NLRC4: variants seen among roughly 807,000 people sequenced by gnomAD.
The protein encoded by NLRC4 is NLR family CARD domain-containing protein 4.
Under a neutral mutation model 79.9 loss-of-function variants are expected in NLRC4, and 63 were observed. The observed-to-expected ratio is 0.79, with a 90% confidence interval of 0.64 to 0.97. NLRC4 has a LOEUF of 0.97. NLRC4 is among the 50% of genes least tolerant of loss of function. The pLI is 0.00. For synonymous variants in NLRC4, 461 were observed against 456.5 expected, an observed-to-expected ratio of 1.01 and a Z score of -0.12; for missense variants, 1,074 against 1,215.2, an observed-to-expected ratio of 0.88 and a Z score of 1.73.
rs773042822 is a variant in NLRC4 at position 32,251,585 on chromosome 2, T to C, written c.279A>G (p.Thr93=). 5.0e-6 allele frequency: 8 copies of C among 1,597,490 alleles called. No individual in the cohort carries two copies. In the South Asian group the frequency reaches 9.0e-5, roughly 18 times the overall value. Residue 93 remains threonine (T), a synonymous_variant, in exon 4 of 9, where the codon ACA becomes ACG. Transcript: ENST00000402280. The part of the protein sequence containing the change: ...DLNGQSLFHQ[T]SEGDLDDLAQ... ...CCAAATCGTCCAAGTCTCCTTCTGA[T>C]GTCTGATGAAAAAGACCTATTAGAG...
At chr2:32,246,174 A>G (rs1400876242) in intron 4 of NLRC4, among the ~76,000 whole-genome samples, 1 of 152,130 alleles carries the variant, frequency 6.6e-6, no homozygotes, top group Non-Finnish European at 1.5e-5. Context: ...ACAGAGTGAG[A>G]CCCTGTCTCA....
intron 4 of NLRC4, among the ~76,000 whole-genome samples, chr2:32,246,091 G>A (rs537055241): frequency 2.4e-4 from 36 of 152,284 alleles, no homozygotes; most frequent in Admixed American, 1.3e-4. Context: ...TTCTGAGGCC[G>A]GAGACTTGCT....
chr2:32,258,730 G>T (rs1250416330), intron 1 of NLRC4, among the ~76,000 whole-genome samples: 1 of 152,136 alleles, frequency 6.6e-6, no homozygotes, highest in East Asian at 1.9e-4. Flanking sequence ...TTCCTGGTAT[G>T]GTCCTGTCAT....
chr2:32,250,541 G>T lies in NLRC4; in HGVS notation c.1323C>A (p.Phe441Leu), dbSNP rs780456558. The T allele has an allele frequency of 4.3e-6, 7 of 1,614,212 alleles. No homozygotes were observed. Among genetic ancestry groups the T allele is most frequent in the Non-Finnish European group, 5.1e-6 (6 of 1,180,032 alleles). ...TAQRFKPKYK[F>L]FHKSFQEYTA... ...TGTACTCCTGGAATGACTTGTGAAA[G>T]AATTTATACTTTGGCTTGAACCTTT... The change falls in exon 4 of 9, where the codon TTC becomes TTA. Residue 441 changes from phenylalanine to leucine, a missense_variant. Phe to Leu is a conservative substitution (Grantham distance 22). Transcript: ENST00000402280. The surrounding 1 kb of genome is among the most constrained non-coding windows in gnomAD (Gnocchi z 4.9).
chr2:32,250,291 T>A lies in NLRC4; in HGVS notation c.1573A>T (p.Lys525Ter). 1 of 1,614,200 alleles carries A rather than the reference T, an allele frequency of 6.2e-7. No individual in the cohort carries two copies. Among genetic ancestry groups the A allele is most frequent in the Non-Finnish European group, 8.5e-7 (1 of 1,180,020 alleles). The change falls in exon 4 of 9, where the codon AAG becomes TAG. Residue 525 changes from lysine to a stop codon, truncating the protein, a stop_gained. Transcript: ENST00000402280. LOFTEE classifies it high-confidence loss of function. The surrounding 1 kb of genome is among the most constrained non-coding windows in gnomAD (Gnocchi z 4.9). Reference sequence around the variant, plus strand: ...GATTCCTGTCTCCAGAGAGGCCTCTTGGCGATGGAAAGTCCGAGAAGGCAG... The same window carrying A: ...GATTCCTGTCTCCAGAGAGGCCTCTAGGCGATGGAAAGTCCGAGAAGGCAG... ...HGCLLGLSIAKRPLWRQESLQ... is the reference protein window; with the variant it reads ...HGCLLGLSIA
chr2:32,244,285 C>G (rs1273461165), intron 4 of NLRC4, among the ~76,000 whole-genome samples: 22 of 152,028 alleles, frequency 1.4e-4, no homozygotes, highest in East Asian at 1.2e-3. Context: ...AAAAACAATC[C>G]AACATCCATC....
intron 8 of NLRC4, among the ~76,000 whole-genome samples, chr2:32,227,193 G>A (rs915173316): frequency 1.3e-5 from 2 of 151,554 alleles, no homozygotes; most frequent in African/African-American, 4.9e-5. Context: ...GTAGGGGTCT[G>A]GGCCTGAAAG....
At chr2:32,226,984 T>A (rs1330716325) in intron 8 of NLRC4, among the ~76,000 whole-genome samples, 1 of 152,210 alleles carries the variant, frequency 6.6e-6, no homozygotes, top group African/African-American at 2.4e-5. Context: ...TGGCCACTCA[T>A]ATCCCAACCT....
intron 8 of NLRC4, among the ~76,000 whole-genome samples, chr2:32,234,565 T>G (rs1175472220): frequency 1.3e-5 from 2 of 152,242 alleles, no homozygotes; most frequent in South Asian, 2.1e-4. Context: ...TATTAATGTT[T>G]CCATACGCTG....
rs900790775 is a variant in NLRC4, at chr2:32,264,834, G to A, written c.-215C>T. ...TTGCTTTCCGTTTCAGTGAGGCCTC[G>A]AGTTCTTGTAGACCAGATACCTTCT... On this transcript the variant is annotated 5_prime_UTR_variant, in exon 1 of 9. Coordinates refer to ENST00000402280, the MANE Select transcript of NLRC4 (RefSeq NM_001199138.2). 1.2e-4 allele frequency: 18 copies of A among 152,034 alleles called. No homozygotes were observed. Among genetic ancestry groups the A allele is most frequent in the African/African-American group, 4.1e-4 (17 of 41,376 alleles). The allele number at this position is 152,034 out of a possible 1,614,324, so 9.4% of individuals were successfully genotyped here.
intron 6 of NLRC4, 38 bp from the exon 7 acceptor site, chr2:32,236,377 A>T (rs755696936): frequency 7.8e-7 from 1 of 1,280,034 alleles, no homozygotes; most frequent in Non-Finnish European, 1.1e-6. Context: ...AAAGATTTTC[A>T]GGTAAATATA....
chr2:32,252,589 T>C lies in NLRC4; in HGVS notation c.92A>G (p.Asn31Ser), dbSNP rs1181964686. ...KQITDDLFVW[N>S]VLNREEVNII... Reference sequence around the variant, plus strand: ...GTTTACTTCTTCGCGATTCAGAACATTCCATACAAATAGGTCATCTGTGAT... The same window carrying C: ...GTTTACTTCTTCGCGATTCAGAACACTCCATACAAATAGGTCATCTGTGAT... Residue 31 changes from asparagine (N) to serine (S), a missense_variant, in exon 3 of 9, where the codon AAT becomes AGT. Transcript: ENST00000402280. 2 of 1,614,072 alleles carry C rather than the reference T, an allele frequency of 1.2e-6. No individual in the cohort carries two copies. The highest frequency in any genetic ancestry group is 3.3e-5 in the Admixed American group (2 of 60,008).
intron 7 of NLRC4, 38 bp from the exon 8 acceptor site, chr2:32,235,606 C>T (rs1425032662): frequency 1.9e-6 from 3 of 1,573,490 alleles, no homozygotes; most frequent in Non-Finnish European, 2.6e-6. Context: ...ACTGGATGGT[C>T]TCAAAACTGA....
At chr2:32,247,652 A>G (rs1331673429) in intron 4 of NLRC4, among the ~76,000 whole-genome samples, 3 of 152,016 alleles carry the variant, frequency 2.0e-5, no homozygotes, top group Non-Finnish European at 4.4e-5. Flanking sequence ...AAACACATAC[A>G]TATATGTATC....
chr2:32,234,542 C>G (rs143855169), intron 8 of NLRC4, among the ~76,000 whole-genome samples: 2 of 152,300 alleles, frequency 1.3e-5, no homozygotes, highest in African/African-American at 4.8e-5. Context: ...ACCTGATGAG[C>G]CTGACCTCCT....
chr2:32,224,794 G>T, intron 8 of NLRC4, 29 bp from the exon 9 acceptor site: 1 of 1,261,572 alleles, frequency 7.9e-7, no homozygotes, highest in South Asian at 1.7e-5. Flanking sequence ...ATATTAGTTG[G>T]AAGAAAAATT....
chr2:32,247,052 C>T (rs1686953628), intron 4 of NLRC4, among the ~76,000 whole-genome samples: 1 of 152,182 alleles, frequency 6.6e-6, no homozygotes, highest in Non-Finnish European at 1.5e-5. Flanking sequence ...GTCACCTGGC[C>T]TGGCCCCAAC....
intron 8 of NLRC4, among the ~76,000 whole-genome samples, chr2:32,225,887 T>A (rs1673700568): frequency 1.3e-5 from 2 of 152,238 alleles, no homozygotes; most frequent in Admixed American, 6.5e-5. Flanking sequence ...TGTTGTATAT[T>A]AAACTTGTGT....
Position 32,250,780 on chromosome 2 carries a change from G to A in NLRC4, c.1084C>T (p.Leu362=). ...AACAGATCATAGAAGGTATGGAACA[G>A]CGTTGTTTGTGTGTGAGAGTGGAAC... ...SEFHSHTQTT[L]FHTFYDLLIQ... Residue 362 remains leucine (L), a synonymous_variant, in exon 4 of 9, where the codon CTG becomes TTG. Coordinates refer to ENST00000402280, the MANE Select transcript of NLRC4 (RefSeq NM_001199138.2). This position sits in a 1 kb window ranked among gnomAD's most constrained non-coding sequence, Gnocchi z 4.9. 1.9e-6 allele frequency: 3 copies of A among 1,614,182 alleles called. No homozygotes were observed. The highest frequency in any genetic ancestry group is 2.5e-6 in the Non-Finnish European group (3 of 1,179,988).
Sources: allele counts gnomAD v4.1 joint callset (sites outside exome capture counted in the v4.1 genomes callset), GRCh38; gene constraint gnomAD v4.1.1; non-coding constraint Gnocchi (gnomAD v3.1); transcripts MANE v1.5; gene names NCBI Gene and HGNC (gene_info 2026-07-23, HGNC 2026-07-21).